Variants in CENPN observed in about 807,000 individuals in gnomAD.
CENPN encodes interphase centromere complex protein 32.
Under a neutral mutation model 48.6 loss-of-function variants are expected in CENPN, and 36 were observed. The observed-to-expected ratio is 0.74, with a 90% CI of 0.57 to 0.98. The LOEUF is 0.98. Ranked by LOEUF, CENPN falls within the 50% of genes least tolerant of loss-of-function variation. The pLI is 0.00. For synonymous variants in CENPN, 166 were observed against 135.2 expected, an observed-to-expected ratio of 1.23 and a Z score of -1.58; for missense variants, 439 against 399.2, an observed-to-expected ratio of 1.10 and a Z score of -0.85.
chr16:81,020,495 C>T (rs1295616254), intron 6 of CENPN: 2 of 404,982 alleles, frequency 4.9e-6, no homozygotes, highest in Non-Finnish European at 8.7e-6. Context: ...AAAGCAACAC[C>T]CCACCTCTAA....
chr16:81,022,931 G>T, intron 7 of CENPN: 1 of 1,518,476 alleles, frequency 6.6e-7, no homozygotes, highest in Non-Finnish European at 8.9e-7. Flanking sequence ...AGTCTGTGTT[G>T]TAGATCTCAG....
At chr16:81,031,871 G>A (rs1970793253), downstream of CENPN, among the ~76,000 whole-genome samples, 1 of 152,174 alleles carries the variant, frequency 6.6e-6, no homozygotes, top group Non-Finnish European at 1.5e-5. Flanking sequence ...CCAAAGTGCT[G>A]GGATTACAGG....
At chr16:81,008,751 G>A (rs964053818) in intron 1 of CENPN, among the ~76,000 whole-genome samples, 4 of 152,210 alleles carry the variant, frequency 2.6e-5, no homozygotes, top group Non-Finnish European at 4.4e-5. Context: ...ATTTATCAAA[G>A]ACACATTAGA....
At chr16:81,012,669 TA>T (rs557002356) in intron 2 of CENPN, among the ~76,000 whole-genome samples, 101 of 152,328 alleles carry the variant, frequency 6.6e-4, no homozygotes, top group Non-Finnish European at 1.1e-3. Flanking sequence ...AAACTCAGCT[TA>T]CTGCAACCTC....
chr16:81,027,864 C>T (rs1008220912), intron 9 of CENPN, among the ~76,000 whole-genome samples: 3 of 152,108 alleles, frequency 2.0e-5, no homozygotes, highest in Non-Finnish European at 4.4e-5. Context: ...ACCACCATAC[C>T]CAGCTAATTA....
At chr16:81,020,333 T>C in intron 6 of CENPN, 57 bp downstream of exon 6, 1 of 1,504,198 alleles carries the variant, frequency 6.6e-7, no homozygotes, top group Non-Finnish European at 9.0e-7. Flanking sequence ...CAAAGGTCTA[T>C]ATAGATTTTA....
At chr16:81,027,695 C>T (rs1240997521) in intron 9 of CENPN, among the ~76,000 whole-genome samples, 1 of 152,040 alleles carries the variant, frequency 6.6e-6, no homozygotes, top group African/African-American at 2.4e-5. Context: ...ACACCAGTTG[C>T]CCTCTATGTT....
chr16:81,020,521 A>G (rs1403648315), intron 6 of CENPN: 3 of 356,270 alleles, frequency 8.4e-6, no homozygotes, highest in Non-Finnish European at 1.5e-5. Flanking sequence ...CAAAAAAAAG[A>G]TATAGAATAC....
chr16:81,012,374 G>A (rs552412874), intron 2 of CENPN, among the ~76,000 whole-genome samples: 3 of 152,148 alleles, frequency 2.0e-5, no homozygotes, highest in South Asian at 2.1e-4. Context: ...AGTATTTTTC[G>A]CAGTATTTTT....
intron 4 of CENPN, 92 bp from the exon 5 acceptor site, chr16:81,017,665 CA>C (rs1969989143): frequency 1.1e-6 from 1 of 889,544 alleles, no homozygotes. Context: ...TGGAATTATA[CA>C]AAATGCTTAG....
chr16:81,027,247 T>C (rs964981087), intron 9 of CENPN, among the ~76,000 whole-genome samples: 1 of 152,110 alleles, frequency 6.6e-6, no homozygotes, highest in African/African-American at 2.4e-5. Flanking sequence ...TCCCAGCACT[T>C]TGGGAGGCTG....
intron 6 of CENPN, among the ~76,000 whole-genome samples, chr16:81,021,761 T>G (rs554955187): frequency 7.3e-6 from 1 of 136,752 alleles, no homozygotes; most frequent in African/African-American, 3.2e-5. Context: ...CTAATGTTCT[T>G]TTTTTTTTTT....
intron 8 of CENPN, among the ~76,000 whole-genome samples, chr16:81,025,817 C>T (rs978715396): frequency 1.3e-5 from 2 of 150,930 alleles, no homozygotes; most frequent in East Asian, 3.9e-4. Flanking sequence ...ATTCTCTTTC[C>T]TCAGCCTCCC....
At chr16:81,023,045 G>A in intron 7 of CENPN, 1 of 632,992 alleles carries the variant, frequency 1.6e-6, no homozygotes. Flanking sequence ...CAGAGAAGTA[G>A]AATTAACTTT....
chr16:81,007,398 T>A (rs1469194318), intron 1 of CENPN, 121 bp downstream of exon 1: 2 of 152,098 alleles, frequency 1.3e-5, no homozygotes, highest in African/African-American at 2.4e-5. Context: ...GGCGCAGGAT[T>A]GGCGCTGGGT....
In CENPN at chr16:81,029,414, T is replaced by A. The variant is rs1970665844; in HGVS notation, c.*763T>A. On this transcript the variant is annotated 3_prime_UTR_variant, in exon 11 of 11. Transcript: ENST00000305850. ...CTAATTTTTTATTTCTTTATTTATTTATTGAGACAGGGTCTCACTGTGTCA... is the reference window on the plus strand; with the variant it reads ...CTAATTTTTTATTTCTTTATTTATTAATTGAGACAGGGTCTCACTGTGTCA... 1 of 563,130 alleles carries A rather than the reference T, an allele frequency of 1.8e-6. No homozygotes were observed. The highest frequency in any genetic ancestry group is 6.4e-5 in the Admixed American group (1 of 15,740). 34.9% of individuals were successfully genotyped at this position (563,130 alleles called of 1,614,324 possible).
chr16:81,016,454 C>G (rs915790181), intron 3 of CENPN, among the ~76,000 whole-genome samples: 2 of 152,142 alleles, frequency 1.3e-5, no homozygotes, highest in African/African-American at 4.8e-5. Context: ...AGGCAGTGTA[C>G]AAATGAACAT....
chr16:81,008,511 A>G (rs113516627), intron 1 of CENPN, among the ~76,000 whole-genome samples: 4,251 of 152,176 alleles, frequency 0.028, 187 homozygotes, highest in African/African-American at 0.096. Context: ...AGCTGGGACT[A>G]GAGGTGTGCG....
chr16:81,032,773 A>C, downstream of CENPN: 1 of 1,397,738 alleles, frequency 7.2e-7, no homozygotes, highest in East Asian at 2.3e-5. Flanking sequence ...TAACTGCTAT[A>C]GACTAATGCA....
Sources: gnomAD v4.1 joint callset for allele counts (sites outside exome capture counted in the v4.1 genomes callset) on GRCh38, gnomAD v4.1.1 for gene constraint, MANE v1.5 for transcripts, NCBI Gene and HGNC (gene_info 2026-07-23, HGNC 2026-07-21) for gene names.